TF: variants seen among roughly 807,000 people sequenced by gnomAD.
TF encodes the protein serotransferrin.
In TF, 55 loss-of-function variants were observed where a neutral mutation model predicts 82.4. That is an observed-to-expected ratio of 0.67 (90% CI 0.54 to 0.84). The LOEUF (loss-of-function observed/expected upper bound fraction) is 0.84, where lower values mean the gene tolerates loss of function less well. Among genes scored for constraint, TF ranks in the 40% least tolerant of loss-of-function variants. The pLI, the probability that TF is intolerant of heterozygous loss-of-function variation, is 0.00. For missense variants in TF, 737 were observed against 868.4 expected (o/e 0.85, Z 1.90); for synonymous variants, 332 against 332.6 (o/e 1.00, Z 0.02).
Position 133,748,191 on chromosome 3 carries a change from C to G in TF, c.44-221C>G, listed in dbSNP as rs955878040. On this transcript the variant is annotated intron_variant, in intron 1 of 16. Coordinates refer to ENST00000402696, the MANE Select transcript of TF (RefSeq NM_001063.4). ...ATGGCCATGCCTGCACCCCTCTGGC[C>G]AGCAGAGGGTGGTCAGTAGGAAACT... 8.2e-5 allele frequency: 50 copies of G among 608,332 alleles called. 1 individual carries two copies. The Middle Eastern group carries it at 1.3e-3, about 16-fold the overall frequency. 37.7% of individuals were successfully genotyped at this position (608,332 alleles called of 1,614,324 possible).
rs1028447636 is a variant in TF at position 133,751,303 on chromosome 3, A to G, written c.217-2292A>G. ...GCTGGAGTGCAGTGGCGCGATCTCG[A>G]CTCACTGCAAGCTCCGCCTCCCGGG... On this transcript the variant is annotated intron_variant, in intron 2 of 16. Coordinates refer to ENST00000402696, the MANE Select transcript of TF (RefSeq NM_001063.4). Among the ~76,000 whole-genome samples, 7 of 140,172 alleles carry G rather than the reference A, an allele frequency of 5.0e-5. No individual in the cohort carries two copies. The East Asian group carries it at 1.3e-3, about 25-fold the overall frequency. The allele number at this position is 140,172 out of a possible 152,430, so 92.0% of individuals were successfully genotyped here.
the TF span, among the ~76,000 whole-genome samples, chr3:133,667,994 A>T: frequency 2.2e-4 from 33 of 152,366 alleles, 1 homozygote; most frequent in African/African-American, 6.0e-4. Flanking sequence ...CCCAGGGAGA[A>T]GACATCTTTC....
Position 133,795,054 on chromosome 3 carries a change from G to A in TF, c.*16434G>A, listed in dbSNP as rs568824150. The A allele has an allele frequency of 1.2e-4, 19 of 152,302 alleles. No homozygotes were observed. The highest frequency in any genetic ancestry group is 4.3e-4 in the African/African-American group (18 of 41,574). The allele number at this position is 152,302 out of a possible 1,614,324, so 9.4% of individuals were successfully genotyped here. A position where few individuals can be genotyped will look rare whatever the true frequency, so the allele number is the denominator to read the frequency against. The stretch of plus-strand genomic sequence containing the variant: ...TACATAATAGACTAAATTATCTTAA[G>A]AAAGTTATGCTAAATAATAGAGTTG... On this transcript the variant is annotated 3_prime_UTR_variant, in exon 17 of 17. Coordinates refer to ENST00000402696, the MANE Select transcript of TF (RefSeq NM_001063.4).
In TF at chr3:133,788,062, C is replaced by T. The variant is rs541567477; in HGVS notation, c.*9442C>T. ...TATTTAGAAGACAGTTTAAGATAAA[C>T]CATGTGTGTAGTTTATTCAACCCTA... On this transcript the variant is annotated 3_prime_UTR_variant, in exon 17 of 17. Transcript: ENST00000402696. 1 of 152,198 alleles carries T rather than the reference C, an allele frequency of 6.6e-6. No individual in the cohort carries two copies. The highest frequency in any genetic ancestry group is 2.1e-4 in the South Asian group (1 of 4,818). The allele number at this position is 152,198 out of a possible 1,614,324, so 9.4% of individuals were successfully genotyped here.
At chr3:133,746,840 C>T (rs897480184) in intron 1 of TF, among the ~76,000 whole-genome samples, 20 of 152,360 alleles carry the variant, frequency 1.3e-4, no homozygotes, top group African/African-American at 2.9e-4. Context: ...TGACCATTCC[C>T]CTTTCAGAGG....
chr3:133,737,966 G>T, the TF span, among the ~76,000 whole-genome samples: 13 of 152,286 alleles, frequency 8.5e-5, no homozygotes, highest in African/African-American at 2.4e-4. Context: ...ATTTTATGAG[G>T]CCAGCATCAT....
the TF span, among the ~76,000 whole-genome samples, chr3:133,740,049 C>T: frequency 6.6e-6 from 1 of 152,202 alleles, no homozygotes; most frequent in Non-Finnish European, 1.5e-5. Context: ...TTTATTGTGG[C>T]ACTATTCACA....
At position 133,779,870 on chromosome 3, in the gene TF, T is replaced by C. The variant is rs1934479706; in HGVS notation, c.*1250T>C. The C allele has an allele frequency of 6.6e-6, 1 of 152,100 alleles. No homozygotes were observed. Among genetic ancestry groups the C allele is most frequent in the Admixed American group, 6.5e-5 (1 of 15,276 alleles). The allele number at this position is 152,100 out of a possible 1,614,324, so 9.4% of individuals were successfully genotyped here. A position where few individuals can be genotyped will look rare whatever the true frequency, so the allele number is the denominator to read the frequency against. On this transcript the variant is annotated 3_prime_UTR_variant, in exon 17 of 17. Coordinates refer to ENST00000402696, the MANE Select transcript of TF (RefSeq NM_001063.4). ...CCCTAAACCAACTGTTGTTATAGTA[T>C]ATTCCATATCAGCTGAAGACCTGGT...
the TF span, chr3:133,710,242 T>C: frequency 0.5 from 76,591 of 152,454 alleles, 21,320 homozygotes; most frequent in Non-Finnish European, 0.63. Context: ...AAGAGGCTCC[T>C]GCTCCTCTGC....
the TF span, among the ~76,000 whole-genome samples, chr3:133,683,965 C>CA: frequency 2.0e-5 from 3 of 152,202 alleles, no homozygotes; most frequent in Non-Finnish European, 4.4e-5. Flanking sequence ...AAGCTCTACT[C>CA]AGCAAATGTA....
the TF span, among the ~76,000 whole-genome samples, chr3:133,704,024 G>C: frequency 1.3e-5 from 2 of 152,172 alleles, no homozygotes; most frequent in African/African-American, 2.4e-5. Context: ...GGCATGACCT[G>C]GGTTGGAACT....
chr3:133,684,607 A>T, the TF span, among the ~76,000 whole-genome samples: 12,454 of 152,326 alleles, frequency 0.082, 526 homozygotes, highest in Middle Eastern at 0.14. Flanking sequence ...AATCTAGAAG[A>T]AATGGATAAA....
rs1934479590 is a variant in TF, at chr3:133,779,867, G to A, written c.*1247G>A. 6.6e-6 allele frequency: 1 copy of A among 152,076 alleles called. No individual in the cohort carries two copies. The highest frequency in any genetic ancestry group is 2.4e-5 in the African/African-American group (1 of 41,338). 9.4% of individuals were successfully genotyped at this position (152,076 alleles called of 1,614,324 possible). Reference sequence around the variant, plus strand: ...CTTCCCTAAACCAACTGTTGTTATAGTATATTCCATATCAGCTGAAGACCT... The same window carrying A: ...CTTCCCTAAACCAACTGTTGTTATAATATATTCCATATCAGCTGAAGACCT... On this transcript the variant is annotated 3_prime_UTR_variant, in exon 17 of 17. Coordinates refer to ENST00000402696, the MANE Select transcript of TF (RefSeq NM_001063.4).
At chr3:133,695,334 G>A in the TF span, among the ~76,000 whole-genome samples, 1 of 141,398 alleles carries the variant, frequency 7.1e-6, no homozygotes, top group African/African-American at 2.7e-5. Context: ...TGCAACCTCC[G>A]CCTCCTGGGT....
the TF span, chr3:133,701,274 C>T: frequency 6.6e-6 from 1 of 152,236 alleles, no homozygotes; most frequent in Non-Finnish European, 1.5e-5. Flanking sequence ...ACATGATTGC[C>T]CTGGCTCCTT....
the TF span, among the ~76,000 whole-genome samples, chr3:133,689,225 T>C: frequency 2.0e-5 from 3 of 152,110 alleles, no homozygotes; most frequent in South Asian, 6.2e-4. Context: ...CCCAGCTACT[T>C]GGGAGTCTGA....
chr3:133,746,550 C>T, intron 1 of TF, 67 bp downstream of exon 1: 1 of 1,526,482 alleles, frequency 6.6e-7, no homozygotes. Context: ...CCCGGGCGGC[C>T]ACCGCGCAGC....
rs562629071 is a variant in TF, at chr3:133,757,974, C to T, written c.1048+28C>T. 12 of 1,612,598 alleles carry T rather than the reference C, an allele frequency of 7.4e-6. No individual in the cohort carries two copies. In the East Asian group the frequency reaches 2.5e-4, roughly 33 times the overall value. On this transcript the variant is annotated intron_variant, in intron 8 of 16. Coordinates refer to ENST00000402696, the MANE Select transcript of TF (RefSeq NM_001063.4). ...GAGTACCTGGGAAGAACCAGGTGACCACAAGCACTTGGGAAACCTGGTGAG... is the reference window on the plus strand; with the variant it reads ...GAGTACCTGGGAAGAACCAGGTGACTACAAGCACTTGGGAAACCTGGTGAG...
At chr3:133,748,700 T>C (rs1372789029) in intron 2 of TF, 116 bp downstream of exon 2, 1 of 1,313,074 alleles carries the variant, frequency 7.6e-7, no homozygotes, top group Non-Finnish European at 1.1e-6. Flanking sequence ...GCAGTCAACC[T>C]TGACTTACTA....
Sources: allele counts gnomAD v4.1 joint callset (sites outside exome capture counted in the v4.1 genomes callset), GRCh38; gene constraint gnomAD v4.1.1; transcripts MANE v1.5; gene names NCBI Gene and HGNC (gene_info 2026-07-23, HGNC 2026-07-21).